Variants in NKAIN2 observed in about 807,000 individuals in gnomAD.
The protein encoded by NKAIN2 is sodium/potassium transporting ATPase interacting 2, also known as sodium/potassium-transporting ATPase subunit beta-1-interacting protein 2.
A neutral mutation model predicts 32.6 loss-of-function variants in NKAIN2; 14 were observed. The observed-to-expected ratio is 0.43, with a 90% CI of 0.28 to 0.67. The LOEUF is 0.67. NKAIN2 is among the 30% of genes least tolerant of loss of function. The pLI is 0.17. For missense variants in NKAIN2, 198 were observed against 258.3 expected (o/e 0.77, Z 1.60); for synonymous variants, 80 against 87.2 (o/e 0.92, Z 0.46).
chr6:124,263,296 T>C (rs907646158), intron 1 of NKAIN2, among the ~76,000 whole-genome samples: 1 of 152,218 alleles, frequency 6.6e-6, no homozygotes, highest in Admixed American at 6.5e-5. Context: ...ATTAAAATCA[T>C]GCAGTCATGA....
chr6:124,007,059 T>C (rs1343893810), intron 1 of NKAIN2, among the ~76,000 whole-genome samples: 1 of 152,142 alleles, frequency 6.6e-6, no homozygotes, highest in Non-Finnish European at 1.5e-5. Flanking sequence ...AAAACCTCAA[T>C]GGAATTGCCT....
At chr6:124,602,717 C>T (rs1782355777) in intron 3 of NKAIN2, among the ~76,000 whole-genome samples, 2 of 151,858 alleles carry the variant, frequency 1.3e-5, no homozygotes, top group African/African-American at 4.8e-5. Flanking sequence ...AATTGTTGAT[C>T]CAGATTTCTT....
At chr6:124,686,614 A>G (rs545798953) in intron 4 of NKAIN2, among the ~76,000 whole-genome samples, 1 of 152,234 alleles carries the variant, frequency 6.6e-6, no homozygotes, top group African/African-American at 2.4e-5. Flanking sequence ...GGGTATTACA[A>G]TTTTACATGA....
chr6:124,346,722 G>A (rs994085465), intron 2 of NKAIN2, among the ~76,000 whole-genome samples: 3 of 151,832 alleles, frequency 2.0e-5, no homozygotes, highest in Non-Finnish European at 4.4e-5. Flanking sequence ...TTGAGCCTAT[G>A]TGTGTCTCTG....
At chr6:123,827,115 G>A (rs999340824) in intron 1 of NKAIN2, among the ~76,000 whole-genome samples, 29 of 152,174 alleles carry the variant, frequency 1.9e-4, no homozygotes, top group African/African-American at 6.7e-4. Flanking sequence ...ATCTTTTCAT[G>A]TGGTTATTGG....
In NKAIN2 at chr6:124,305,206, A is replaced by G. The variant is rs1796460736; in HGVS notation, c.192+22064A>G. Among the ~76,000 whole-genome samples, 3 of 152,274 alleles carry G rather than the reference A, an allele frequency of 2.0e-5. 1 individual carries two copies. The highest frequency in any genetic ancestry group is 3.9e-4 in the East Asian group (2 of 5,166). On this transcript the variant is annotated intron_variant, in intron 2 of 6. Transcript: ENST00000368417. ...ATATTCCCATCAATAAAAAATGTTTACAAGTGACGTGATTGGAACTGAGCT... is the reference window on the plus strand; with the variant it reads ...ATATTCCCATCAATAAAAAATGTTTGCAAGTGACGTGATTGGAACTGAGCT...
At chr6:124,294,197 T>C (rs1400691826) in intron 2 of NKAIN2, among the ~76,000 whole-genome samples, 3 of 152,062 alleles carry the variant, frequency 2.0e-5, no homozygotes, top group East Asian at 1.9e-4. Context: ...ACTGGGAGCA[T>C]GTGAGAGGAG....
chr6:124,315,228 G>T (rs538125468), intron 2 of NKAIN2, among the ~76,000 whole-genome samples: 25 of 152,000 alleles, frequency 1.6e-4, no homozygotes, highest in Non-Finnish European at 3.2e-4. Flanking sequence ...TGCATCTTGG[G>T]TTTGTAAACT....
At chr6:124,018,665 A>G (rs780033345) in intron 1 of NKAIN2, among the ~76,000 whole-genome samples, 3 of 152,090 alleles carry the variant, frequency 2.0e-5, no homozygotes, top group Non-Finnish European at 4.4e-5. Context: ...CCTCATCTCC[A>G]TCTGAGGCAC....
At chr6:124,364,836 A>G (rs1050613658) in intron 3 of NKAIN2, among the ~76,000 whole-genome samples, 9 of 152,044 alleles carry the variant, frequency 5.9e-5, no homozygotes, top group African/African-American at 9.6e-5. Flanking sequence ...TTGTATTGTT[A>G]AACACAAAAC....
chr6:124,027,695 A>C (rs1367455465), intron 1 of NKAIN2, among the ~76,000 whole-genome samples: 2 of 149,676 alleles, frequency 1.3e-5, no homozygotes, highest in Non-Finnish European at 3.0e-5. Context: ...TTTCACCTCA[A>C]CTGAATCAAC....
At chr6:124,750,374 T>G (rs1777651732) in intron 4 of NKAIN2, among the ~76,000 whole-genome samples, 1 of 151,932 alleles carries the variant, frequency 6.6e-6, no homozygotes, top group Non-Finnish European at 1.5e-5. Context: ...GGGCAATGTC[T>G]ATACCCACCT....
chr6:123,884,302 A>G (rs1336683026), intron 1 of NKAIN2, among the ~76,000 whole-genome samples: 2 of 152,162 alleles, frequency 1.3e-5, no homozygotes, highest in Non-Finnish European at 2.9e-5. Context: ...TTGTAGCTGT[A>G]TAGTATTCCA....
At chr6:124,635,220 CA>C (rs950104576) in intron 3 of NKAIN2, among the ~76,000 whole-genome samples, 1 of 151,656 alleles carries the variant, frequency 6.6e-6, no homozygotes, top group Admixed American at 6.6e-5. Flanking sequence ...ACCAGCCATA[CA>C]AAAAAATGCT....
intron 1 of NKAIN2, among the ~76,000 whole-genome samples, chr6:123,895,123 C>A (rs575946331): frequency 6.6e-6 from 1 of 151,392 alleles, no homozygotes; most frequent in East Asian, 2.0e-4. Flanking sequence ...CTCCTTCTTA[C>A]AAACTCTCCT....
chr6:124,005,226 A>AAAAAC (rs990754490), intron 1 of NKAIN2, among the ~76,000 whole-genome samples: 2 of 152,188 alleles, frequency 1.3e-5, no homozygotes, highest in African/African-American at 4.8e-5. Context: ...CTCCATCTCA[A>AAAAAC]AAAACAAAAC....
At chr6:124,668,293 C>T (rs1772912058) in intron 4 of NKAIN2, among the ~76,000 whole-genome samples, 1 of 152,052 alleles carries the variant, frequency 6.6e-6, no homozygotes, top group Non-Finnish European at 1.5e-5. Flanking sequence ...GTAGAGTGTC[C>T]TGTCTTCAAG....
intron 4 of NKAIN2, among the ~76,000 whole-genome samples, chr6:124,741,897 G>A (rs1021496788): frequency 2.0e-5 from 3 of 151,788 alleles, no homozygotes; most frequent in Admixed American, 1.3e-4. Context: ...ATAGGGAAAT[G>A]GTACTGGTTT....
intron 3 of NKAIN2, among the ~76,000 whole-genome samples, chr6:124,466,136 C>T (rs533700954): frequency 1.2e-4 from 18 of 152,230 alleles, no homozygotes; most frequent in African/African-American, 4.1e-4. Flanking sequence ...AATCCCAATT[C>T]AAGCACAAAT....
Sources: allele counts gnomAD v4.1 joint callset (sites outside exome capture counted in the v4.1 genomes callset), GRCh38; gene constraint gnomAD v4.1.1; transcripts MANE v1.5; gene names NCBI Gene and HGNC (gene_info 2026-07-23, HGNC 2026-07-21).